Variants in UPF1 observed in about 807,000 individuals in gnomAD.
The protein encoded by UPF1 is UPF1 RNA helicase and ATPase, also known as regulator of nonsense transcripts 1.
A neutral mutation model predicts 129.2 loss-of-function variants in UPF1; 9 were observed. That is an observed-to-expected ratio of 0.07 (90% confidence interval 0.04 to 0.12). The LOEUF (loss-of-function observed/expected upper bound fraction) is 0.12, where lower values mean the gene tolerates loss of function less well. UPF1 is among the 10% of genes least tolerant of loss of function. The pLI, the probability that UPF1 is intolerant of heterozygous loss-of-function variation, is 1.00. For synonymous variants in UPF1, 649 were observed against 644.9 expected (o/e 1.01, Z -0.10); for missense variants, 788 against 1,525.3 (o/e 0.52, Z 8.05).
chr19:18,840,802 C>T (rs1360894238), intron 1 of UPF1, among the ~76,000 whole-genome samples: 1 of 152,216 alleles, frequency 6.6e-6, no homozygotes, highest in Non-Finnish European at 1.5e-5. Flanking sequence ...TGGCTGGCAG[C>T]AGGTCCTTGT....
intron 1 of UPF1, among the ~76,000 whole-genome samples, chr19:18,834,661 T>C (rs1201958016): frequency 6.6e-6 from 1 of 152,178 alleles, no homozygotes; most frequent in Non-Finnish European, 1.5e-5. Context: ...GGTACCCCTT[T>C]GCATCACAAG....
chr19:18,844,219 G>A (rs149392058), intron 1 of UPF1, among the ~76,000 whole-genome samples: 225 of 149,476 alleles, frequency 1.5e-3, no homozygotes, highest in Admixed American at 3.3e-3. Flanking sequence ...TGTATGACTA[G>A]GAAGTGGGAA....
chr19:18,846,381 C>T (rs1325588820), intron 2 of UPF1, among the ~76,000 whole-genome samples: 2 of 152,120 alleles, frequency 1.3e-5, no homozygotes, highest in Non-Finnish European at 2.9e-5. Context: ...CCTCCTCAGA[C>T]CCTGGGGGCA....
intron 17 of UPF1, 86 bp from the exon 18 acceptor site, chr19:18,861,924 G>A (rs1027146823): frequency 2.0e-6 from 3 of 1,533,340 alleles, no homozygotes; most frequent in African/African-American, 2.7e-5. Flanking sequence ...TGGGATTTGA[G>A]GGTGGGTCTT....
intron 1 of UPF1, among the ~76,000 whole-genome samples, chr19:18,842,980 T>TC (rs1212250917): frequency 6.6e-6 from 1 of 150,450 alleles, no homozygotes; most frequent in Non-Finnish European, 1.5e-5. Context: ...AGAGTGAAAC[T>TC]CCGTCTCAAA....
Position 18,860,310 on chromosome 19 carries a change from T to C in UPF1, c.2183-11T>C. The C allele has an allele frequency of 6.2e-7, 1 of 1,611,982 alleles. No individual in the cohort carries two copies. The highest frequency in any genetic ancestry group is 1.3e-5 in the African/African-American group (1 of 74,934). Reference sequence around the variant, plus strand: ...GCTTTTGAAGTGTTACTTCTTTCCCTCCCCTCACAGCGGATCGTGTGAAGA... The same window carrying C: ...GCTTTTGAAGTGTTACTTCTTTCCCCCCCCTCACAGCGGATCGTGTGAAGA... On this transcript the variant is annotated splice_polypyrimidine_tract_variant and intron_variant, in intron 15 of 23. Coordinates refer to ENST00000262803, the MANE Select transcript of UPF1 (RefSeq NM_002911.4).
intron 18 of UPF1, among the ~76,000 whole-genome samples, chr19:18,862,364 C>T (rs545608057): frequency 1.4e-3 from 206 of 152,256 alleles, no homozygotes; most frequent in Non-Finnish European, 1.9e-3. Flanking sequence ...CGTATTTTTC[C>T]AGGCCCTTCT....
At chr19:18,833,039 A>G (rs1408271911) in intron 1 of UPF1, 1 of 151,854 alleles carries the variant, frequency 6.6e-6, no homozygotes, top group African/African-American at 2.4e-5. Flanking sequence ...ACCTGCCCTA[A>G]TCCTGTCTCT....
chr19:18,866,289 G>T (rs969385797), intron 23 of UPF1, 123 bp downstream of exon 23: 4 of 1,384,348 alleles, frequency 2.9e-6, no homozygotes, highest in East Asian at 2.6e-5. Context: ...GCCTGGTGGG[G>T]GTCATAGGCC....
intron 15 of UPF1, 103 bp from the exon 16 acceptor site, chr19:18,860,218 G>A: frequency 8.1e-7 from 1 of 1,229,190 alleles, no homozygotes; most frequent in South Asian, 1.3e-5. Context: ...TCCTGCCCCA[G>A]GACCTGCAGC....
At chr19:18,857,042 CCTG>C in intron 14 of UPF1, 22 bp downstream of exon 14, 1 of 1,597,798 alleles carries the variant, frequency 6.3e-7, no homozygotes. Context: ...CCCCTGCCCT[CCTG>C]TGTGAAAACT....
intron 6 of UPF1, among the ~76,000 whole-genome samples, chr19:18,852,525 C>G (rs1405971570): frequency 6.6e-6 from 1 of 152,238 alleles, no homozygotes. Context: ...TCCAACACAT[C>G]TTTCCCAGTG....
chr19:18,840,176 G>A (rs2055526588), intron 1 of UPF1, among the ~76,000 whole-genome samples: 1 of 152,170 alleles, frequency 6.6e-6, no homozygotes, highest in Non-Finnish European at 1.5e-5. Flanking sequence ...AATGGATGGA[G>A]GGGCCACAGG....
Position 18,855,010 on chromosome 19 carries a change from A to G in UPF1, c.1397A>G (p.Gln466Arg), listed in dbSNP as rs1332570235. 6.2e-7 allele frequency: 1 copy of G among 1,613,924 alleles called. No homozygotes were observed. Among genetic ancestry groups the G allele is most frequent in the Non-Finnish European group, 8.5e-7 (1 of 1,180,038 alleles). The change falls in exon 10 of 24, where the codon CAG (glutamine) becomes CGG (arginine). Residue 466 changes from glutamine (Q) to arginine (R), a missense_variant. Gln to Arg is a conservative substitution (Grantham distance 43). Coordinates refer to ENST00000262803, the MANE Select transcript of UPF1 (RefSeq NM_002911.4). ...KCQLPKRFTA[Q>R]GLPDLNHSQV... ...CAGCTGCCCAAGCGCTTCACGGCGCAGGGCCTCCCCGACCTCAACCACTCC... is the reference window on the plus strand; with the variant it reads ...CAGCTGCCCAAGCGCTTCACGGCGCGGGGCCTCCCCGACCTCAACCACTCC...
At chr19:18,857,197 G>A (rs756467526) in intron 14 of UPF1, 123 bp from the exon 15 acceptor site, 5 of 1,463,210 alleles carry the variant, frequency 3.4e-6, no homozygotes, top group Non-Finnish European at 4.6e-6. Flanking sequence ...TGTGCGTGGT[G>A]AGCAATGCCC....
rs2055724377 is a variant in UPF1 at position 18,856,878 on chromosome 19, A to G, written c.1826A>G (p.Asn609Ser). ...KRTAERELLMNADVICCTCVG... is the reference protein window; with the variant it reads ...KRTAERELLMSADVICCTCVG... ...TGATGCCTCTGCACCCTTCCCCAGA[A>G]CGCAGATGTCATCTGCTGCACATGT... The change falls in exon 14 of 24, where the codon AAC (asparagine) becomes AGC (serine). Residue 609 changes from asparagine (N) to serine (S), a missense_variant and splice_region_variant. This residue lies in a region of UPF1 where 91 missense variants were observed against 157.2 expected (regional missense o/e 0.58). Coordinates refer to ENST00000262803, the MANE Select transcript of UPF1 (RefSeq NM_002911.4). The G allele has an allele frequency of 6.2e-7, 1 of 1,610,654 alleles. No homozygotes were observed. The highest frequency in any genetic ancestry group is 8.5e-7 in the Non-Finnish European group (1 of 1,179,210).
rs555802757 is a variant in UPF1 at position 18,851,837 on chromosome 19, G to A, written c.811-298G>A. 9.8e-5 allele frequency among the ~76,000 whole-genome samples: 15 copies of A among 152,364 alleles called. No homozygotes were observed. Among genetic ancestry groups the A allele is most frequent in the African/African-American group, 3.4e-4 (14 of 41,592 alleles). Reference sequence around the variant, plus strand: ...TCTGCTGTGGACAGTGTGTCAGGCTGGTGCCTGGGGCTTTGTAGGCAGGTT... The same window carrying A: ...TCTGCTGTGGACAGTGTGTCAGGCTAGTGCCTGGGGCTTTGTAGGCAGGTT... On this transcript the variant is annotated intron_variant, in intron 5 of 23. Transcript: ENST00000262803. The surrounding 1 kb of genome is among the most constrained non-coding windows in gnomAD (Gnocchi z 4.2).
At chr19:18,860,745 G>A (rs988170780) in intron 16 of UPF1, 81 bp from the exon 17 acceptor site, 37 of 1,567,814 alleles carry the variant, frequency 2.4e-5, no homozygotes, top group Non-Finnish European at 2.9e-5. Context: ...AGGGTGTTGT[G>A]TCTGCACCCC....
At chr19:18,840,572 A>G (rs2055530772) in intron 1 of UPF1, among the ~76,000 whole-genome samples, 1 of 152,094 alleles carries the variant, frequency 6.6e-6, no homozygotes, top group Non-Finnish European at 1.5e-5. Context: ...CTAGCTTGGC[A>G]GAGAAGGGCC....
Sources: allele counts gnomAD v4.1 joint callset (sites outside exome capture counted in the v4.1 genomes callset), GRCh38; gene constraint gnomAD v4.1.1; regional missense constraint gnomAD v4.1.1; non-coding constraint Gnocchi (gnomAD v3.1); transcripts MANE v1.5; gene names NCBI Gene and HGNC (gene_info 2026-07-23, HGNC 2026-07-21).